Variants in ZC3H6 observed in about 807,000 individuals in gnomAD.
ZC3H6 encodes the protein zinc finger CCCH domain-containing protein 6.
ZC3H6 carries 40 observed loss-of-function variants against 107.7 expected under a neutral mutation model. That is an observed-to-expected ratio of 0.37 (90% CI 0.29 to 0.48). ZC3H6 has a LOEUF of 0.48. ZC3H6 is among the 20% of genes least tolerant of loss of function. ZC3H6 has a pLI of 0.98. For synonymous variants in ZC3H6, 493 were observed against 487.9 expected, an observed-to-expected ratio of 1.01 and a Z score of -0.14; for missense variants, 1,267 against 1,410.4, an observed-to-expected ratio of 0.90 and a Z score of 1.63.
intron 11 of ZC3H6, among the ~76,000 whole-genome samples, chr2:112,328,938 C>CAA (rs11317176): frequency 8.7e-6 from 1 of 115,230 alleles, no homozygotes; most frequent in African/African-American, 3.0e-5. Flanking sequence ...GACTCTGTCT[C>CAA]AAAAAAAAAA....
At chr2:112,291,204 A>G (rs1676107213) in intron 1 of ZC3H6, among the ~76,000 whole-genome samples, 1 of 152,174 alleles carries the variant, frequency 6.6e-6, no homozygotes, top group South Asian at 2.1e-4. Context: ...TGATTATGTG[A>G]TTATTTACAT....
chr2:112,315,979 A>G (rs939603693), intron 5 of ZC3H6, among the ~76,000 whole-genome samples: 4 of 152,140 alleles, frequency 2.6e-5, no homozygotes, highest in Non-Finnish European at 5.9e-5. Flanking sequence ...CCAGTCTTCT[A>G]GTTTTAAATG....
rs1300030497 is a variant in ZC3H6, at chr2:112,333,637, A to G, written c.*1149A>G. 6.6e-6 allele frequency: 1 copy of G among 152,192 alleles called. No homozygotes were observed. Among genetic ancestry groups the G allele is most frequent in the Non-Finnish European group, 1.5e-5 (1 of 67,992 alleles). 9.4% of individuals were successfully genotyped at this position (152,192 alleles called of 1,614,324 possible). On this transcript the variant is annotated 3_prime_UTR_variant, in exon 12 of 12. Coordinates refer to ENST00000409871, the MANE Select transcript of ZC3H6 (RefSeq NM_198581.3). ...TTGTATTCATTCTTGTGTATTTATT[A>G]CAATATATAAATAATGGCAACTCTT...
In ZC3H6 at chr2:112,327,909, T is replaced by A. The variant is rs1394951514; in HGVS notation, c.2086+2712T>A. Among the ~76,000 whole-genome samples the A allele has an allele frequency of 1.3e-5, 2 of 152,144 alleles. 1 individual carries two copies. The highest frequency in any genetic ancestry group is 2.9e-5 in the Non-Finnish European group (2 of 68,032). ...TAGTTCATTTTTTTGTTTTTGTTTTTGTTTTTTCTTAAGACAGGGTGTCAC... is the reference window on the plus strand; with the variant it reads ...TAGTTCATTTTTTTGTTTTTGTTTTAGTTTTTTCTTAAGACAGGGTGTCAC... On this transcript the variant is annotated intron_variant, in intron 11 of 11. Coordinates refer to ENST00000409871, the MANE Select transcript of ZC3H6 (RefSeq NM_198581.3).
intron 5 of ZC3H6, among the ~76,000 whole-genome samples, chr2:112,315,762 T>A (rs1676685477): frequency 6.6e-6 from 1 of 152,078 alleles, no homozygotes; most frequent in Non-Finnish European, 1.5e-5. Context: ...CACACCTGGC[T>A]AATTTTTTGT....
chr2:112,311,909 T>G lies in ZC3H6; in HGVS notation c.719T>G (p.Val240Gly), dbSNP rs1257872222. Residue 240 changes from valine to glycine, a missense_variant, in exon 5 of 12, where the codon GTG becomes GGG. Around this residue, in one of 3 missense-constraint regions of ZC3H6, gnomAD observed 337 missense variants for 361.2 expected, o/e 0.93. Transcript: ENST00000409871. Reference sequence around the variant, plus strand: ...GGAAGAACCAATAAAGGGCCTAATGTGTTTTCAGTATCGGATGACTTTCAA... The same window carrying G: ...GGAAGAACCAATAAAGGGCCTAATGGGTTTTCAGTATCGGATGACTTTCAA... Reference protein sequence around the residue: ...RGGRTNKGPNVFSVSDDFQEY... With the variant: ...RGGRTNKGPNGFSVSDDFQEY... The G allele has an allele frequency of 6.2e-7, 1 of 1,612,552 alleles. No individual in the cohort carries two copies. Among genetic ancestry groups the G allele is most frequent in the Admixed American group, 1.7e-5 (1 of 59,932 alleles).
intron 1 of ZC3H6, among the ~76,000 whole-genome samples, chr2:112,284,982 TTTG>T (rs1220082810): frequency 1.3e-5 from 2 of 151,188 alleles, no homozygotes; most frequent in Non-Finnish European, 2.9e-5. Flanking sequence ...TAGAAATGAT[TTTG>T]TTTAGTATAA....
At chr2:112,291,997 G>A (rs556691756) in intron 1 of ZC3H6, among the ~76,000 whole-genome samples, 80 of 152,320 alleles carry the variant, frequency 5.3e-4, no homozygotes, top group South Asian at 4.1e-4. Flanking sequence ...GATTACAGGC[G>A]TGAGCCACTG....
Position 112,322,638 on chromosome 2 carries a change from A to G in ZC3H6, c.1087-11A>G. 6.3e-7 allele frequency: 1 copy of G among 1,577,270 alleles called. No homozygotes were observed. The highest frequency in any genetic ancestry group is 8.6e-7 in the Non-Finnish European group (1 of 1,166,218). On this transcript the variant is annotated splice_polypyrimidine_tract_variant and intron_variant, in intron 8 of 11. Transcript: ENST00000409871. ...CGCTTTGAAATAGTAATCTTTGCCA[A>G]TTATTTTTAGGTGTTGAATACTGAT...
intron 11 of ZC3H6, among the ~76,000 whole-genome samples, chr2:112,330,651 T>C (rs1215856283): frequency 1.3e-5 from 2 of 152,178 alleles, no homozygotes; most frequent in African/African-American, 4.8e-5. Flanking sequence ...AACACACATA[T>C]CTGAATTCCC....
intron 11 of ZC3H6, among the ~76,000 whole-genome samples, chr2:112,326,837 T>C (rs1202297205): frequency 1.3e-5 from 2 of 152,166 alleles, no homozygotes; most frequent in Non-Finnish European, 2.9e-5. Flanking sequence ...TGTCACGAAC[T>C]CCTGACCTCA....
chr2:112,338,690 G>A lies in ZC3H6; in HGVS notation c.*6202G>A, dbSNP rs1251516065. On this transcript the variant is annotated 3_prime_UTR_variant, in exon 12 of 12. Coordinates refer to ENST00000409871, the MANE Select transcript of ZC3H6 (RefSeq NM_198581.3). ...CTTCATGAGAGTATTAAGGTTGAAA[G>A]GAATGGTGAAATTTGCATTATCAGA... The A allele has an allele frequency of 6.6e-6, 1 of 151,514 alleles. No homozygotes were observed. The highest frequency in any genetic ancestry group is 1.5e-5 in the Non-Finnish European group (1 of 67,886). The allele number at this position is 151,514 out of a possible 1,614,324, so 9.4% of individuals were successfully genotyped here.
intron 5 of ZC3H6, among the ~76,000 whole-genome samples, chr2:112,315,118 T>C (rs912727303): frequency 6.6e-6 from 1 of 152,158 alleles, no homozygotes; most frequent in Non-Finnish European, 1.5e-5. Context: ...GAGTAAATAG[T>C]CATTGAACTC....
intron 7 of ZC3H6, among the ~76,000 whole-genome samples, chr2:112,317,876 C>T (rs1223217354): frequency 6.6e-6 from 1 of 152,030 alleles, no homozygotes; most frequent in Non-Finnish European, 1.5e-5. Context: ...TTAATTTTCC[C>T]CCAAATATCT....
At chr2:112,289,996 C>A (rs1029792490) in intron 1 of ZC3H6, among the ~76,000 whole-genome samples, 1 of 152,220 alleles carries the variant, frequency 6.6e-6, no homozygotes, top group Non-Finnish European at 1.5e-5. Context: ...CCTCCTTGGC[C>A]TTCCAAAGTG....
chr2:112,277,438 A>C (rs993060036), intron 1 of ZC3H6, among the ~76,000 whole-genome samples: 3 of 152,020 alleles, frequency 2.0e-5, no homozygotes, highest in African/African-American at 7.2e-5. Flanking sequence ...CTCTTAGTGC[A>C]CAAAGTAACT....
intron 9 of ZC3H6, 132 bp downstream of exon 9, chr2:112,323,034 G>T: frequency 1.0e-6 from 1 of 975,100 alleles, no homozygotes; most frequent in South Asian, 1.7e-5. Flanking sequence ...CATGCACGCA[G>T]ATTGTTGCTT....
intron 9 of ZC3H6, 53 bp downstream of exon 9, chr2:112,322,955 A>G: frequency 6.6e-7 from 1 of 1,510,208 alleles, no homozygotes; most frequent in South Asian, 1.3e-5. Context: ...GAAAATTATC[A>G]TTAAGAAACT....
Position 112,331,523 on chromosome 2 carries a change from A to T in ZC3H6, c.2605A>T (p.Thr869Ser), listed in dbSNP as rs1440254826. ...TCACATTAAAATGGACATTACTCTA[A>T]CCAAACCCAACTTTGCAAAACACAT... is the stretch of plus-strand genomic sequence containing the variant. ...FSHIKMDITLTKPNFAKHIVW... is the reference protein window; with the variant it reads ...FSHIKMDITLSKPNFAKHIVW... Residue 869 changes from threonine (T) to serine (S), a missense_variant, in exon 12 of 12, where the codon ACC becomes TCC. Around this residue, in one of 3 missense-constraint regions of ZC3H6, gnomAD observed 925 missense variants for 1,025.7 expected, o/e 0.90. Coordinates refer to ENST00000409871, the MANE Select transcript of ZC3H6 (RefSeq NM_198581.3). 6.2e-7 allele frequency: 1 copy of T among 1,613,994 alleles called. No homozygotes were observed. Among genetic ancestry groups the T allele is most frequent in the Non-Finnish European group, 8.5e-7 (1 of 1,179,890 alleles).
Sources: gnomAD v4.1 joint callset for allele counts (sites outside exome capture counted in the v4.1 genomes callset) on GRCh38, gnomAD v4.1.1 for gene constraint, gnomAD v4.1.1 regional missense constraint, MANE v1.5 for transcripts, NCBI Gene and HGNC (gene_info 2026-07-23, HGNC 2026-07-21) for gene names.